LMAN1: variants seen among roughly 807,000 people sequenced by gnomAD.
The protein encoded by LMAN1 is lectin, mannose binding 1.
A neutral mutation model predicts 67.8 loss-of-function variants in LMAN1; 32 were observed. The ratio of observed to expected loss-of-function variants is 0.47; its 90% CI spans 0.36 to 0.63. LMAN1 has a LOEUF of 0.63. LMAN1 is among the 30% of genes least tolerant of loss of function. LMAN1 has a pLI of 0.00. For missense variants in LMAN1, 632 were observed against 628.2 expected (o/e 1.01, Z -0.06); for synonymous variants, 235 against 219.3 (o/e 1.07, Z -0.63).
At chr18:59,337,015 T>C (rs1332097069) in intron 10 of LMAN1, among the ~76,000 whole-genome samples, 1 of 151,776 alleles carries the variant, frequency 6.6e-6, no homozygotes, top group African/African-American at 2.4e-5. Flanking sequence ...TTGAAATGGA[T>C]ACTTACATAG....
At chr18:59,355,746 A>G in intron 1 of LMAN1, 88 bp from the exon 2 acceptor site, 1 of 1,392,834 alleles carries the variant, frequency 7.2e-7, no homozygotes, top group East Asian at 2.3e-5. Flanking sequence ...ATACCTACAG[A>G]GACTTAGTAA....
intron 1 of LMAN1, among the ~76,000 whole-genome samples, chr18:59,357,507 T>C (rs1013319478): frequency 1.3e-5 from 2 of 152,204 alleles, no homozygotes; most frequent in African/African-American, 4.8e-5. Context: ...GTGTTTGATA[T>C]CATTTGCATC....
At chr18:59,343,648 A>G (rs2144220242) in intron 8 of LMAN1, among the ~76,000 whole-genome samples, 1 of 152,228 alleles carries the variant, frequency 6.6e-6, no homozygotes, top group Non-Finnish European at 1.5e-5. Context: ...GCAAAAATTA[A>G]CTCAAGATGG....
chr18:59,331,647 A>G, intron 11 of LMAN1, 108 bp from the exon 12 acceptor site: 1 of 1,276,734 alleles, frequency 7.8e-7, no homozygotes, highest in African/African-American at 1.5e-5. Context: ...AAGTATTTTC[A>G]TTTTTTCATC....
In LMAN1 at chr18:59,333,288, T is replaced by G. The variant is rs779547581; in HGVS notation, c.1221-44A>C. 6 of 1,510,196 alleles carry G rather than the reference T, an allele frequency of 4.0e-6. No individual in the cohort carries two copies. The East Asian group carries it at 1.4e-4, about 35-fold the overall frequency. 93.5% of individuals were successfully genotyped at this position (1,510,196 alleles called of 1,614,324 possible). A position where few individuals can be genotyped will look rare whatever the true frequency, so the allele number is the denominator to read the frequency against. On this transcript the variant is annotated intron_variant, in intron 10 of 12. Transcript: ENST00000251047. ...TGATACAATAAAATCACTATAAAGTTTTTTTTTTTCAGTCACAGATCTCCA... is the reference window on the plus strand; with the variant it reads ...TGATACAATAAAATCACTATAAAGTGTTTTTTTTTCAGTCACAGATCTCCA...
intron 6 of LMAN1, 132 bp from the exon 7 acceptor site, chr18:59,347,703 A>G (rs1908450688): frequency 1.1e-5 from 8 of 701,488 alleles, no homozygotes; most frequent in Non-Finnish European, 1.7e-5. Context: ...AATTAGCACT[A>G]ATTTGGTAAA....
intron 7 of LMAN1, 68 bp from the exon 8 acceptor site, chr18:59,346,119 G>T: frequency 7.9e-7 from 1 of 1,268,538 alleles, no homozygotes. Flanking sequence ...CTCTATACAT[G>T]TTATTTTTCT....
chr18:59,345,897 T>C (rs765520545), intron 8 of LMAN1, 22 bp downstream of exon 8: 8 of 1,613,622 alleles, frequency 5.0e-6, no homozygotes, highest in South Asian at 4.4e-5. Context: ...GCGGCACCCA[T>C]GTCAGCTTTG....
In LMAN1 at chr18:59,359,251, T is replaced by A. The variant is rs1000422602; in HGVS notation, c.-7A>T. On this transcript the variant is annotated 5_prime_UTR_variant, in exon 1 of 13. Transcript: ENST00000251047. Reference sequence around the variant, plus strand: ...TTTGCCTGGATCCCGCCATCTTGGATTCTGGAACGCGGAGGAGGGCGGGAG... The same window carrying A: ...TTTGCCTGGATCCCGCCATCTTGGAATCTGGAACGCGGAGGAGGGCGGGAG... 1.2e-6 allele frequency: 2 copies of A among 1,613,286 alleles called. No individual in the cohort carries two copies. The highest frequency in any genetic ancestry group is 3.3e-5 in the Admixed American group (2 of 60,006).
chr18:59,333,752 C>T (rs1198551604), intron 10 of LMAN1: 1 of 151,362 alleles, frequency 6.6e-6, no homozygotes, highest in Non-Finnish European at 1.5e-5. Context: ...TGATTTCCTA[C>T]GAGTGCATTC....
chr18:59,349,253 T>C lies in LMAN1; in HGVS notation c.640-17A>G, dbSNP rs1396463008. 6.2e-7 allele frequency: 1 copy of C among 1,606,320 alleles called. No homozygotes were observed. On this transcript the variant is annotated splice_polypyrimidine_tract_variant and intron_variant, in intron 5 of 12. Transcript: ENST00000251047. ...GATCATTACCTAGAAAGACATATCA[T>C]AGCTATAGCTTTTGCAAAAGACATT...
intron 5 of LMAN1, among the ~76,000 whole-genome samples, chr18:59,350,951 C>T (rs898582613): frequency 3.9e-5 from 6 of 152,132 alleles, no homozygotes; most frequent in African/African-American, 1.4e-4. Flanking sequence ...CTTATGGTTT[C>T]AAACCATTGT....
intron 6 of LMAN1, 39 bp from the exon 7 acceptor site, chr18:59,347,610 AG>A: frequency 7.7e-7 from 1 of 1,294,702 alleles, no homozygotes; most frequent in African/African-American, 1.5e-5. Context: ...AAAGTTCCAT[AG>A]GAGATTACTT....
intron 10 of LMAN1, among the ~76,000 whole-genome samples, chr18:59,333,851 G>GA (rs71336336): frequency 0.12 from 14,095 of 119,524 alleles, 792 homozygotes; most frequent in Middle Eastern, 0.18. Context: ...TTTACCAAAA[G>GA]AAAAAAAAAA....
At chr18:59,358,973 C>A in intron 1 of LMAN1, 58 bp downstream of exon 1, 3 of 1,537,504 alleles carry the variant, frequency 2.0e-6, no homozygotes, top group Non-Finnish European at 2.7e-6. Flanking sequence ...GGATGAAAGG[C>A]GAAGAGGCAG....
intron 8 of LMAN1, among the ~76,000 whole-genome samples, chr18:59,344,103 A>C (rs1034738363): frequency 2.6e-5 from 4 of 152,176 alleles, no homozygotes; most frequent in African/African-American, 7.2e-5. Context: ...ACTATCTTAC[A>C]CAAGTCACAA....
At chr18:59,355,009 C>T (rs1167118962) in intron 3 of LMAN1, among the ~76,000 whole-genome samples, 4 of 152,184 alleles carry the variant, frequency 2.6e-5, no homozygotes, top group Admixed American at 1.3e-4. Flanking sequence ...CTACTGTTTT[C>T]ACCACCTACG....
At chr18:59,340,765 A>G (rs1908269274) in intron 8 of LMAN1, among the ~76,000 whole-genome samples, 1 of 152,204 alleles carries the variant, frequency 6.6e-6, no homozygotes, top group African/African-American at 2.4e-5. Context: ...AACATGACAG[A>G]ATTTCATCAA....
At chr18:59,348,441 A>G (rs1002648022) in intron 6 of LMAN1, among the ~76,000 whole-genome samples, 2 of 152,228 alleles carry the variant, frequency 1.3e-5, no homozygotes, top group African/African-American at 2.4e-5. Context: ...GATCTTCAGA[A>G]ATTTCTTTCA....
Sources: gnomAD v4.1 joint callset for allele counts (sites outside exome capture counted in the v4.1 genomes callset) on GRCh38, gnomAD v4.1.1 for gene constraint, MANE v1.5 for transcripts, NCBI Gene and HGNC (gene_info 2026-07-23, HGNC 2026-07-21) for gene names.